The following SLC4A4 variants were observed in gnomAD, a reference collection of about 807,000 sequenced individuals.
SLC4A4 encodes the protein solute carrier family 4 member 4.
In SLC4A4, 27 loss-of-function variants were observed where a neutral mutation model predicts 111.5. That is an observed-to-expected ratio of 0.24 (90% CI 0.18 to 0.33). The LOEUF (loss-of-function observed/expected upper bound fraction) is 0.33. SLC4A4 is among the 10% of genes least tolerant of loss of function. The probability of loss-of-function intolerance (pLI) is 1.00; values close to 1 mark genes in which losing one functional copy is unlikely to be tolerated. For missense variants in SLC4A4, 909 were observed against 1,315.5 expected, an observed-to-expected ratio of 0.69 and a Z score of 4.78; for synonymous variants, 443 against 463.4, an observed-to-expected ratio of 0.96 and a Z score of 0.57.
chr4:71,109,293 G>A (rs912990608), intron 2 of SLC4A4, among the ~76,000 whole-genome samples: 14 of 152,072 alleles, frequency 9.2e-5, no homozygotes, highest in African/African-American at 3.4e-4. Context: ...GCTTTTGAGT[G>A]TCCTAGTCTT....
chr4:71,071,178 G>A (rs866861512), intron 1 of SLC4A4, among the ~76,000 whole-genome samples: 1 of 151,220 alleles, frequency 6.6e-6, no homozygotes, highest in Non-Finnish European at 1.5e-5. Flanking sequence ...GACTGAGGCA[G>A]AGAATTGCTT....
intron 1 of SLC4A4, among the ~76,000 whole-genome samples, chr4:71,207,083 TA>T (rs1717817480): frequency 6.6e-6 from 1 of 152,188 alleles, no homozygotes; most frequent in Non-Finnish European, 1.5e-5. Context: ...CTGTAGTGTA[TA>T]TTGAGAACAG....
intron 2 of SLC4A4, among the ~76,000 whole-genome samples, chr4:71,163,771 G>C (rs543746581): frequency 6.6e-6 from 1 of 152,322 alleles, no homozygotes; most frequent in South Asian, 2.1e-4. Context: ...TCTCACAACA[G>C]TGGCAGAACT....
chr4:71,366,488 G>A (rs1731338230), intron 6 of SLC4A4, among the ~76,000 whole-genome samples: 1 of 152,086 alleles, frequency 6.6e-6, no homozygotes, highest in Admixed American at 6.5e-5. Context: ...TTTTTCTACA[G>A]TCTAAATATT....
At chr4:71,085,267 G>C (rs1221177330) in intron 1 of SLC4A4, among the ~76,000 whole-genome samples, 1 of 151,864 alleles carries the variant, frequency 6.6e-6, no homozygotes, top group African/African-American at 2.4e-5. Flanking sequence ...TTTTTTTCTT[G>C]TAAATTTGTT....
At chr4:71,494,867 C>T (rs1730260418) in intron 15 of SLC4A4, among the ~76,000 whole-genome samples, 1 of 151,898 alleles carries the variant, frequency 6.6e-6, no homozygotes, top group Non-Finnish European at 1.5e-5. Context: ...TGGAATTAAC[C>T]TTCACTGACA....
intron 2 of SLC4A4, among the ~76,000 whole-genome samples, chr4:71,143,475 T>G (rs4634193): frequency 0.72 from 108,982 of 151,910 alleles, 41,438 homozygotes; most frequent in Admixed American, 0.84. Flanking sequence ...GTAATGGGAT[T>G]GCTGGGTCAA....
chr4:71,225,609 C>T (rs945395327), intron 1 of SLC4A4, among the ~76,000 whole-genome samples: 2 of 152,134 alleles, frequency 1.3e-5, no homozygotes, highest in Admixed American at 6.5e-5. Context: ...ACTGTGGTTG[C>T]CATGTTGGGT....
chr4:71,267,072 C>T (rs1560829088), intron 3 of SLC4A4, among the ~76,000 whole-genome samples: 1 of 152,140 alleles, frequency 6.6e-6, no homozygotes, highest in Non-Finnish European at 1.5e-5. Flanking sequence ...AGGTCTACAC[C>T]ATGTACCAAG....
At chr4:71,417,829 A>G (rs76776671) in intron 7 of SLC4A4, among the ~76,000 whole-genome samples, 21,823 of 152,156 alleles carry the variant, frequency 0.14, 1,873 homozygotes, top group South Asian at 0.29. Context: ...AGTAAAATCT[A>G]TTCCTCAGAC....
chr4:71,419,041 A>G (rs905554286), intron 7 of SLC4A4, among the ~76,000 whole-genome samples: 2 of 152,170 alleles, frequency 1.3e-5, no homozygotes, highest in Admixed American at 6.5e-5. Context: ...CTGTCTGATC[A>G]TTCCTCTGGA....
chr4:71,221,280 C>T (rs867970819), intron 1 of SLC4A4, among the ~76,000 whole-genome samples: 1 of 152,156 alleles, frequency 6.6e-6, no homozygotes, highest in Non-Finnish European at 1.5e-5. Context: ...GCTTTTAACT[C>T]TTTGAGGATC....
intron 25 of SLC4A4, 24 bp from the exon 26 acceptor site, chr4:71,567,764 C>CTTTTTTTTT (rs150600814): frequency 4.7e-6 from 5 of 1,055,938 alleles, no homozygotes; most frequent in East Asian, 2.9e-5. Context: ...TTACTTACTA[C>CTTTTTTTTT]TTTTTTTTTT....
chr4:71,435,450 A>G (rs527491625), intron 7 of SLC4A4, among the ~76,000 whole-genome samples: 2 of 152,352 alleles, frequency 1.3e-5, no homozygotes, highest in African/African-American at 4.8e-5. Flanking sequence ...TAAAACCATA[A>G]AATCCATAAA....
chr4:71,240,484 C>G (rs1720121693), intron 2 of SLC4A4, among the ~76,000 whole-genome samples: 1 of 152,146 alleles, frequency 6.6e-6, no homozygotes, highest in South Asian at 2.1e-4. Flanking sequence ...TCTCCTAGAG[C>G]TATTATGCTA....
In SLC4A4 at chr4:71,466,642, T is replaced by C. The variant is rs1727341520; in HGVS notation, c.1631+65T>C. The stretch of plus-strand genomic sequence containing the variant: ...AATTGTAGAACCTTTATAGGCTAGA[T>C]AGAGCATAGAATAGTGATTAGGCAG... On this transcript the variant is annotated intron_variant, in intron 13 of 25. Transcript: ENST00000264485. 25 of 1,488,778 alleles carry C rather than the reference T, an allele frequency of 1.7e-5. No homozygotes were observed. The South Asian group carries it at 1.9e-4, about 11-fold the overall frequency. The allele number at this position is 1,488,778 out of a possible 1,614,324, so 92.2% of individuals were successfully genotyped here.
Position 71,175,152 on chromosome 4 carries a change from C to T in SLC4A4, c.-1-61424C>T, listed in dbSNP as rs551313781. Reference sequence around the variant, plus strand: ...TGGAATAATTTATATATTTTAAATCCAAATTTCATTTAAAAATAAGCAATC... The same window carrying T: ...TGGAATAATTTATATATTTTAAATCTAAATTTCATTTAAAAATAAGCAATC... On this transcript the variant is annotated intron_variant, in intron 2 of 26. Coordinates refer to the SLC4A4 transcript ENST00000649996. Among the ~76,000 whole-genome samples the T allele has an allele frequency of 6.6e-4, 101 of 152,090 alleles. 2 individuals are homozygous for T. The highest frequency in any genetic ancestry group is 2.1e-3 in the African/African-American group (86 of 41,496).
At chr4:71,198,844 A>C (rs1746125946) in intron 1 of SLC4A4, among the ~76,000 whole-genome samples, 1 of 152,180 alleles carries the variant, frequency 6.6e-6, no homozygotes, top group South Asian at 2.1e-4. Flanking sequence ...AAGTAGGTTT[A>C]GCTTAAATTT....
intron 1 of SLC4A4, among the ~76,000 whole-genome samples, chr4:71,069,155 A>G (rs1578449053): frequency 6.6e-6 from 1 of 152,212 alleles, no homozygotes; most frequent in South Asian, 2.1e-4. Flanking sequence ...ACATACATAG[A>G]TAAAATATTC....
Sources: gnomAD v4.1 joint callset for allele counts (sites outside exome capture counted in the v4.1 genomes callset) on GRCh38, gnomAD v4.1.1 for gene constraint, MANE v1.5 for transcripts, NCBI Gene and HGNC (gene_info 2026-07-23, HGNC 2026-07-21) for gene names.